The following CYP4F8 variants were observed in gnomAD, a reference collection of about 807,000 sequenced individuals.
The protein encoded by CYP4F8 is cytochrome P450 4F8.
CYP4F8 carries 56 observed loss-of-function variants against 55.0 expected under a neutral mutation model. The observed-to-expected ratio is 1.02, with a 90% CI of 0.82 to 1.27. The LOEUF (loss-of-function observed/expected upper bound fraction) is 1.27, where lower values mean the gene tolerates loss of function less well. CYP4F8 is among the 50% of genes most tolerant of loss of function. The pLI, the probability that CYP4F8 is intolerant of heterozygous loss-of-function variation, is 0.00. For missense variants in CYP4F8, 680 were observed against 682.4 expected (o/e 1.00, Z 0.04); for synonymous variants, 288 against 267.3 (o/e 1.08, Z -0.76).
At chr19:15,617,048 A>C (rs1040598182) in intron 2 of CYP4F8, among the ~76,000 whole-genome samples, 3 of 152,146 alleles carry the variant, frequency 2.0e-5, no homozygotes, top group African/African-American at 7.2e-5. Context: ...GACCTTCTCC[A>C]TGGGAGGGCC....
intron 9 of CYP4F8, among the ~76,000 whole-genome samples, chr19:15,625,858 A>G (rs1972255681): frequency 6.6e-6 from 1 of 152,204 alleles, no homozygotes; most frequent in South Asian, 2.1e-4. Context: ...CTCCATCAGT[A>G]TGATTACAAA....
chr19:15,628,329 G>C lies in CYP4F8; in HGVS notation c.1143G>C (p.Leu381=). The C allele has an allele frequency of 6.2e-7, 1 of 1,614,042 alleles. No individual in the cohort carries two copies. The highest frequency in any genetic ancestry group is 1.1e-5 in the South Asian group (1 of 91,080). Residue 381 remains leucine (L), a synonymous_variant, in exon 10 of 13, where the codon CTG becomes CTC. Coordinates refer to ENST00000612078, the MANE Select transcript of CYP4F8 (RefSeq NM_007253.4). ...ACGACCTGGCCCAGTTGCCCTTCCT[G>C]ACCATGTGCCTGAAGGAGAGCCTGC... ...EWDDLAQLPF[L]TMCLKESLRL... is the part of the protein sequence containing the mutation.
At chr19:15,626,427 G>T (rs1184407774) in intron 9 of CYP4F8, among the ~76,000 whole-genome samples, 1 of 152,176 alleles carries the variant, frequency 6.6e-6, no homozygotes, top group Non-Finnish European at 1.5e-5. Context: ...GTACCTCGTT[G>T]TCAGCTAGCT....
chr19:15,626,538 C>T (rs1475775904), intron 9 of CYP4F8, among the ~76,000 whole-genome samples: 1 of 152,210 alleles, frequency 6.6e-6, no homozygotes, highest in Non-Finnish European at 1.5e-5. Context: ...CTACTTTTCA[C>T]TTGGGTTACC....
chr19:15,623,893 A>G (rs566451922), intron 8 of CYP4F8, 72 bp from the exon 9 acceptor site: 10 of 1,599,846 alleles, frequency 6.3e-6, no homozygotes, highest in African/African-American at 2.7e-5. Context: ...GAGAGCCTCA[A>G]TGTATGGGCG....
At chr19:15,622,079 C>G (rs538964110) in intron 5 of CYP4F8, 140 bp from the exon 6 acceptor site, 6 of 1,148,080 alleles carry the variant, frequency 5.2e-6, no homozygotes. Context: ...CTCACCCAAG[C>G]GTAGTCCTCC....
chr19:15,628,621 C>T (rs1439769002), intron 11 of CYP4F8, 26 bp downstream of exon 11: 23 of 1,611,096 alleles, frequency 1.4e-5, no homozygotes, highest in Non-Finnish European at 1.9e-5. Flanking sequence ...GTTTCTCCAT[C>T]CCCCGGGCCT....
chr19:15,620,866 A>C (rs1255690258), intron 5 of CYP4F8, among the ~76,000 whole-genome samples: 1 of 152,248 alleles, frequency 6.6e-6, no homozygotes, highest in Non-Finnish European at 1.5e-5. Flanking sequence ...AATGGAGCCA[A>C]GCGTTTTGTG....
Position 15,623,996 on chromosome 19 carries a change from G to A in CYP4F8, c.1017G>A (p.Trp339Ter). ...ACACCACGGCCAGTGGCCTCTCCTG[G>A]GTCTTGTACAACCTCGCGAGGCACC... ...GHDTTASGLS[W>*]VLYNLARHPE... The change falls in exon 9 of 13, where the codon TGG becomes TGA. Residue 339 changes from tryptophan (W) to a stop codon, truncating the protein, a stop_gained. Transcript: ENST00000612078. LOFTEE classifies it high-confidence loss of function. 6.2e-7 allele frequency: 1 copy of A among 1,614,174 alleles called. No individual in the cohort carries two copies. The highest frequency in any genetic ancestry group is 8.5e-7 in the Non-Finnish European group (1 of 1,180,028).
At chr19:15,627,311 T>C (rs1299280707) in intron 9 of CYP4F8, 2 of 151,872 alleles carry the variant, frequency 1.3e-5, no homozygotes, top group Non-Finnish European at 2.9e-5. Flanking sequence ...CCATCTATAC[T>C]AAAAATACAA....
intron 2 of CYP4F8, among the ~76,000 whole-genome samples, chr19:15,616,799 C>A (rs763973348): frequency 1.3e-5 from 2 of 152,242 alleles, no homozygotes; most frequent in Non-Finnish European, 2.9e-5. Context: ...TCAGACCCTG[C>A]CCTTTCACTT....
At chr19:15,617,865 G>A in intron 2 of CYP4F8, 135 bp from the exon 3 acceptor site, 1 of 1,119,126 alleles carries the variant, frequency 8.9e-7, no homozygotes, top group Non-Finnish European at 1.2e-6. Flanking sequence ...TCCTTCCTCA[G>A]TTTTCCTTCA....
chr19:15,628,449 C>T lies in CYP4F8; in HGVS notation c.1249+14C>T, dbSNP rs1313897648. The T allele has an allele frequency of 6.2e-7, 1 of 1,613,848 alleles. No homozygotes were observed. Among genetic ancestry groups the T allele is most frequent in the Non-Finnish European group, 8.5e-7 (1 of 1,179,866 alleles). On this transcript the variant is annotated intron_variant, in intron 10 of 12. Coordinates refer to ENST00000612078, the MANE Select transcript of CYP4F8 (RefSeq NM_007253.4). The stretch of plus-strand genomic sequence containing the variant: ...TCATCCCCAAAGGTGCCCTCCATGG[C>T]AGGGGAGGAGGGTCCTGGGCAGGGC...
Position 15,629,523 on chromosome 19 carries a change from A to C in CYP4F8, c.*165A>C. 3 of 998,620 alleles carry C rather than the reference A, an allele frequency of 3.0e-6. No homozygotes were observed. The allele number at this position is 998,620 out of a possible 1,614,324, so 61.9% of individuals were successfully genotyped here. A position where few individuals can be genotyped will look rare whatever the true frequency, so the allele number is the denominator to read the frequency against. On this transcript the variant is annotated 3_prime_UTR_variant, in exon 13 of 13. Transcript: ENST00000612078. The stretch of plus-strand genomic sequence containing the variant: ...GGGGATCTAGGGCCTGGCTGGGAAG[A>C]GGCGGGGAGATGTCTCTGTGCCCAA...
At chr19:15,622,701 G>A (rs62106287) in intron 6 of CYP4F8, 52,392 of 361,984 alleles carry the variant, frequency 0.14, 4,407 homozygotes, top group African/African-American at 0.23. Context: ...AGCCATGGAG[G>A]TGTTTGAGCA....
rs1458798480 is a variant in CYP4F8 at position 15,622,255 on chromosome 19, T to C, written c.562T>C (p.Cys188Arg). ...WQRLAMEGST[C>R]LDVFEHISLM... ...ACGCCTGGCCATGGAGGGCAGCACC[T>C]GTCTGGATGTGTTTGAGCACATCAG... Residue 188 changes from cysteine to arginine, a missense_variant, in exon 6 of 13, where the codon TGT becomes CGT. Coordinates refer to ENST00000612078, the MANE Select transcript of CYP4F8 (RefSeq NM_007253.4). 1.2e-6 allele frequency: 2 copies of C among 1,613,710 alleles called. No homozygotes were observed. Among genetic ancestry groups the C allele is most frequent in the Non-Finnish European group, 1.7e-6 (2 of 1,179,838 alleles).
intron 2 of CYP4F8, among the ~76,000 whole-genome samples, chr19:15,617,346 G>T (rs1231130731): frequency 2.0e-5 from 3 of 152,186 alleles, no homozygotes; most frequent in African/African-American, 7.2e-5. Flanking sequence ...TTACCCCTAT[G>T]TGCGCAGAAT....
intron 2 of CYP4F8, 124 bp from the exon 3 acceptor site, chr19:15,617,876 A>G: frequency 8.1e-7 from 1 of 1,240,032 alleles, no homozygotes; most frequent in Non-Finnish European, 1.1e-6. Context: ...TTTTCCTTCA[A>G]ATGCTAATCT....
At chr19:15,629,071 G>T (rs771977875) in intron 12 of CYP4F8, 122 bp from the exon 13 acceptor site, 76 of 1,399,002 alleles carry the variant, frequency 5.4e-5, no homozygotes, top group Non-Finnish European at 6.7e-5. Flanking sequence ...CCCAGACCCA[G>T]CTTCCCCCCT....
Sources: gnomAD v4.1 joint callset for allele counts (sites outside exome capture counted in the v4.1 genomes callset) on GRCh38, gnomAD v4.1.1 for gene constraint, MANE v1.5 for transcripts, NCBI Gene and HGNC (gene_info 2026-07-23, HGNC 2026-07-21) for gene names.